Variants in BASP1 observed in about 807,000 individuals in gnomAD.
BASP1 encodes the protein brain acid soluble protein 1.
BASP1 carries 1 observed loss-of-function variant against 2.2 expected under a neutral mutation model. That is an observed-to-expected ratio of 0.46 (90% confidence interval 0.16 to 2.17). The LOEUF (loss-of-function observed/expected upper bound fraction) is 2.17. Ranked by LOEUF, BASP1 falls within the 30% of genes most tolerant of loss-of-function variation. The pLI is 0.27. For missense variants in BASP1, 352 were observed against 327.2 expected (o/e 1.08, Z -0.58); for synonymous variants, 187 against 154.2 (o/e 1.21, Z -1.58).
chr5:17,258,815 T>C (rs1740261410), intron 1 of BASP1, among the ~76,000 whole-genome samples: 1 of 152,174 alleles, frequency 6.6e-6, no homozygotes, highest in Admixed American at 6.5e-5. Flanking sequence ...CCTGGTTTTT[T>C]AGGTAGCTAA....
rs374321272 is a variant in BASP1 at position 17,275,690 on chromosome 5, C to T, written c.474C>T (p.Ala158=). 2.9e-4 allele frequency: 464 copies of T among 1,589,920 alleles called. 2 individuals carry two copies. Among genetic ancestry groups the T allele is most frequent in the South Asian group, 1.7e-3 (152 of 88,836 alleles). The part of the protein sequence containing the change: ...PKKTEAPAAP[A]AQETKSDGAP... The stretch of plus-strand genomic sequence containing the variant: ...AGACTGAGGCGCCCGCAGCTCCTGC[C>T]GCCCAGGAGACCAAAAGTGACGGGG... Residue 158 remains alanine, a synonymous_variant, in exon 2 of 2, where the codon GCC becomes GCT. Transcript: ENST00000322611. The surrounding 1 kb of genome is among the most constrained non-coding windows in gnomAD (Gnocchi z 5.3).
At chr5:17,226,143 A>G (rs978446523) in intron 1 of BASP1, among the ~76,000 whole-genome samples, 2 of 152,258 alleles carry the variant, frequency 1.3e-5, no homozygotes, top group Non-Finnish European at 2.9e-5. Flanking sequence ...ATTAATAGGT[A>G]ACTTTTATTT....
intron 1 of BASP1, among the ~76,000 whole-genome samples, chr5:17,234,985 T>C (rs1187390666): frequency 2.0e-5 from 3 of 152,322 alleles, no homozygotes; most frequent in East Asian, 3.9e-4. Flanking sequence ...TCTTAATCAC[T>C]AGATAGAAAA....
chr5:17,243,614 A>G (rs899334155), intron 1 of BASP1, among the ~76,000 whole-genome samples: 1 of 152,072 alleles, frequency 6.6e-6, no homozygotes, highest in African/African-American at 2.4e-5. Context: ...TCTAATCTAG[A>G]TCTCTGTTTC....
chr5:17,260,691 G>A lies in BASP1; in HGVS notation c.-9-14517G>A, dbSNP rs1166702905. Among the ~76,000 whole-genome samples, 6 of 152,098 alleles carry A rather than the reference G, an allele frequency of 3.9e-5. No homozygotes were observed. The highest frequency in any genetic ancestry group is 6.5e-5 in the Admixed American group (1 of 15,272). On this transcript the variant is annotated intron_variant, in intron 1 of 1. Coordinates refer to ENST00000322611, the MANE Select transcript of BASP1 (RefSeq NM_006317.5). The surrounding 1 kb of genome is among the most constrained non-coding windows in gnomAD (Gnocchi z 4.2). ...CATAATTTGCAAATTAGATGTTCCCGTCTGTAGTGAGTCTGTGATGTTTAT... is the reference window on the plus strand; with the variant it reads ...CATAATTTGCAAATTAGATGTTCCCATCTGTAGTGAGTCTGTGATGTTTAT...
At chr5:17,241,462 A>G (rs1299495034) in intron 1 of BASP1, among the ~76,000 whole-genome samples, 2 of 152,230 alleles carry the variant, frequency 1.3e-5, no homozygotes, top group Non-Finnish European at 2.9e-5. Context: ...ATCCCATTGT[A>G]CAAATGAAGA....
intron 1 of BASP1, chr5:17,240,845 A>C (rs1739847522): frequency 6.6e-6 from 1 of 152,228 alleles, no homozygotes; most frequent in African/African-American, 2.4e-5. Flanking sequence ...GTATTTTGTT[A>C]GGGTACCTAC....
chr5:17,232,396 C>G (rs772237053), intron 1 of BASP1, among the ~76,000 whole-genome samples: 4 of 152,212 alleles, frequency 2.6e-5, no homozygotes, highest in Non-Finnish European at 5.9e-5. Flanking sequence ...AAGCAGGTGG[C>G]TTGAAATCTT....
At chr5:17,238,938 A>G (rs1425204556) in intron 1 of BASP1, among the ~76,000 whole-genome samples, 5 of 152,212 alleles carry the variant, frequency 3.3e-5, no homozygotes, top group Non-Finnish European at 7.3e-5. Flanking sequence ...ATCAACGGGT[A>G]GGAAAGGACA....
At chr5:17,259,968 A>G (rs1179657997) in intron 1 of BASP1, among the ~76,000 whole-genome samples, 1 of 152,232 alleles carries the variant, frequency 6.6e-6, no homozygotes, top group Non-Finnish European at 1.5e-5. Flanking sequence ...TCTATGGAAG[A>G]GAGAAATGGT....
chr5:17,244,465 C>G (rs1291274891), intron 1 of BASP1, among the ~76,000 whole-genome samples: 1 of 152,112 alleles, frequency 6.6e-6, no homozygotes, highest in Non-Finnish European at 1.5e-5. Context: ...AGCTGAGGAT[C>G]TGAGACTGGG....
At chr5:17,233,644 TG>T (rs1739680496) in intron 1 of BASP1, among the ~76,000 whole-genome samples, 1 of 152,226 alleles carries the variant, frequency 6.6e-6, no homozygotes, top group African/African-American at 2.4e-5. Flanking sequence ...TTGTGGGTTG[TG>T]TACTTAGCTG....
chr5:17,270,087 A>G (rs1740499892), intron 1 of BASP1, among the ~76,000 whole-genome samples: 1 of 151,982 alleles, frequency 6.6e-6, no homozygotes, highest in African/African-American at 2.4e-5. Context: ...CGCAACCTCC[A>G]CTTCCCAGGT....
chr5:17,228,991 G>A (rs1443339277), intron 1 of BASP1, among the ~76,000 whole-genome samples: 1 of 151,998 alleles, frequency 6.6e-6, no homozygotes, highest in Non-Finnish European at 1.5e-5. Context: ...GGAAGGGGGT[G>A]AGAATTCAGA....
intron 1 of BASP1, among the ~76,000 whole-genome samples, chr5:17,259,692 T>C (rs766983251): frequency 2.0e-5 from 3 of 152,310 alleles, no homozygotes; most frequent in Non-Finnish European, 4.4e-5. Flanking sequence ...CCCTTTATTT[T>C]TGGAGACAGG....
At position 17,236,455 on chromosome 5, in the gene BASP1, G is replaced by A. The variant is rs1426171431; in HGVS notation, c.-10+18645G>A. On this transcript the variant is annotated intron_variant, in intron 1 of 1. Transcript: ENST00000322611. This position sits in a 1 kb window ranked among gnomAD's most constrained non-coding sequence, Gnocchi z 4.0. ...ATTTTTTGTATTTTTAGTAGAGACG[G>A]GGTTTCGCCTTGTTGGTCAGGCTGG... Among the ~76,000 whole-genome samples, 1 of 152,066 alleles carries A rather than the reference G, an allele frequency of 6.6e-6. No homozygotes were observed. Among genetic ancestry groups the A allele is most frequent in the Non-Finnish European group, 1.5e-5 (1 of 68,030 alleles).
At chr5:17,247,867 G>A (rs553483893) in intron 1 of BASP1, among the ~76,000 whole-genome samples, 21 of 152,272 alleles carry the variant, frequency 1.4e-4, no homozygotes, top group South Asian at 6.2e-4. Context: ...AATATTTAGC[G>A]TTTTTGTGGT....
intron 1 of BASP1, among the ~76,000 whole-genome samples, chr5:17,242,324 C>T (rs1470644294): frequency 1.3e-5 from 2 of 151,858 alleles, no homozygotes; most frequent in South Asian, 2.1e-4. Context: ...CTTTTTTGTT[C>T]GACTTTATTT....
At chr5:17,221,276 A>G (rs1739388694) in intron 1 of BASP1, among the ~76,000 whole-genome samples, 1 of 152,124 alleles carries the variant, frequency 6.6e-6, no homozygotes, top group Non-Finnish European at 1.5e-5. Flanking sequence ...ATCAAGCACT[A>G]CTGAACTTTA....
Sources: allele counts gnomAD v4.1 joint callset (sites outside exome capture counted in the v4.1 genomes callset), GRCh38; gene constraint gnomAD v4.1.1; non-coding constraint Gnocchi (gnomAD v3.1); transcripts MANE v1.5; gene names NCBI Gene and HGNC (gene_info 2026-07-23, HGNC 2026-07-21).